The following CAPN3 variants were observed in gnomAD, a reference collection of about 807,000 sequenced individuals.
The protein encoded by CAPN3 is calpain-3.
Under a neutral mutation model 114.0 loss-of-function variants are expected in CAPN3, and 88 were observed. That is an observed-to-expected ratio of 0.77 (90% CI 0.65 to 0.92). CAPN3 has a LOEUF of 0.92. CAPN3 is among the 40% of genes least tolerant of loss of function. The pLI is 0.00. For synonymous variants in CAPN3, 386 were observed against 382.9 expected (o/e 1.01, Z -0.09); for missense variants, 1,028 against 1,069.0 (o/e 0.96, Z 0.53).
chr15:42,409,521 C>A, intron 17 of CAPN3, 141 bp downstream of exon 17: 1 of 940,028 alleles, frequency 1.1e-6, no homozygotes, highest in Non-Finnish European at 1.7e-6. Context: ...GCGTAGCACA[C>A]AAATCCACAA....
intron 8 of CAPN3, among the ~76,000 whole-genome samples, chr15:42,396,081 T>G (rs1276551118): frequency 6.6e-6 from 1 of 152,194 alleles, no homozygotes; most frequent in African/African-American, 2.4e-5. Flanking sequence ...TTGCATGCAT[T>G]ATTGCATCTG....
chr15:42,370,646 G>A (rs2052919350), intron 1 of CAPN3, among the ~76,000 whole-genome samples: 1 of 152,156 alleles, frequency 6.6e-6, no homozygotes, highest in African/African-American at 2.4e-5. Context: ...AACAGCTAGA[G>A]TTAGAACCAA....
intron 2 of CAPN3, among the ~76,000 whole-genome samples, chr15:42,385,308 G>A (rs1399995244): frequency 1.3e-5 from 2 of 152,140 alleles, no homozygotes; most frequent in Non-Finnish European, 2.9e-5. Context: ...GCACCTGAGG[G>A]AAGGCTTCCT....
chr15:42,410,773 G>A (rs2054193136), intron 21 of CAPN3, 107 bp downstream of exon 21: 7 of 1,359,108 alleles, frequency 5.2e-6, no homozygotes, highest in Non-Finnish European at 7.4e-6. Flanking sequence ...GAGGGAAAGG[G>A]CTTCTCACTT....
intron 15 of CAPN3, 140 bp from the exon 16 acceptor site, chr15:42,408,071 T>C (rs978303330): frequency 1.5e-6 from 1 of 659,502 alleles, no homozygotes; most frequent in African/African-American, 1.8e-5. Context: ...GAGATAGAGC[T>C]TGAACCGAGG....
intron 17 of CAPN3, among the ~76,000 whole-genome samples, 183 bp downstream of exon 17, chr15:42,409,563 G>T (rs921990775): frequency 6.7e-6 from 1 of 150,318 alleles, no homozygotes; most frequent in Non-Finnish European, 1.5e-5. Context: ...ACGTCTGCTG[G>T]GGGGCTCAGA....
chr15:42,377,318 T>C (rs1033083218), intron 1 of CAPN3, among the ~76,000 whole-genome samples: 1 of 152,182 alleles, frequency 6.6e-6, no homozygotes, highest in Non-Finnish European at 1.5e-5. Context: ...TGAAAGTGGA[T>C]GATCGTTACC....
chr15:42,380,596 T>A (rs2053215824), intron 1 of CAPN3, among the ~76,000 whole-genome samples: 1 of 147,728 alleles, frequency 6.8e-6, no homozygotes, highest in Admixed American at 6.8e-5. Context: ...TATGTATATA[T>A]ATGTATGTGT....
chr15:42,373,437 G>A (rs1230413083), intron 1 of CAPN3, among the ~76,000 whole-genome samples: 1 of 152,218 alleles, frequency 6.6e-6, no homozygotes, highest in Non-Finnish European at 1.5e-5. Context: ...AGCAGACAGG[G>A]AGACTGGGTG....
At position 42,386,152 on chromosome 15, in the gene CAPN3, T is replaced by C. The variant is rs1186700942; in HGVS notation, c.380-15T>C. ...GCAGGAGTGCTCACGATCTGTGCCCTGTGTCTGCCTGCAGGGGACTGCTGG... is the reference window on the plus strand; with the variant it reads ...GCAGGAGTGCTCACGATCTGTGCCCCGTGTCTGCCTGCAGGGGACTGCTGG... On this transcript the variant is annotated splice_polypyrimidine_tract_variant and intron_variant, in intron 2 of 23. Coordinates refer to ENST00000397163, the MANE Select transcript of CAPN3 (RefSeq NM_000070.3). 7.6e-6 allele frequency: 12 copies of C among 1,579,724 alleles called. No homozygotes were observed. The highest frequency in any genetic ancestry group is 1.0e-5 in the Non-Finnish European group (12 of 1,148,938).
intron 6 of CAPN3, among the ~76,000 whole-genome samples, chr15:42,390,790 G>GTT (rs373599109): frequency 8.2e-4 from 90 of 110,292 alleles, no homozygotes; most frequent in African/African-American, 1.9e-3. Flanking sequence ...TTGTTTTTTT[G>GTT]TTTTTTTTTT....
intron 1 of CAPN3, among the ~76,000 whole-genome samples, chr15:42,367,648 T>G (rs1480561665): frequency 6.6e-6 from 1 of 152,218 alleles, no homozygotes; most frequent in Non-Finnish European, 1.5e-5. Context: ...GAGAAAAGGA[T>G]GGCTCCATCT....
chr15:42,367,036 A>G (rs1267747660), intron 1 of CAPN3, among the ~76,000 whole-genome samples: 4 of 151,660 alleles, frequency 2.6e-5, no homozygotes, highest in Non-Finnish European at 5.9e-5. Flanking sequence ...GTTTCACCAT[A>G]TTGACTAGGC....
chr15:42,398,457 A>T (rs1000660846), intron 9 of CAPN3, among the ~76,000 whole-genome samples: 12 of 151,764 alleles, frequency 7.9e-5, no homozygotes, highest in African/African-American at 2.9e-4. Context: ...GGTGGTGTGC[A>T]CCTGTAATCC....
chr15:42,378,266 G>A (rs988576168), intron 1 of CAPN3, among the ~76,000 whole-genome samples: 1 of 152,144 alleles, frequency 6.6e-6, no homozygotes, highest in African/African-American at 2.4e-5. Flanking sequence ...GAGCTATCCT[G>A]CCGTGAGTGA....
In CAPN3 at chr15:42,389,031, A is replaced by G; in HGVS notation, c.736A>G (p.Ser246Gly). ...GTTTTTTGAGATCAGGGATGCTCCT[A>G]GTGACATGTACAAGATCATGAAGAA... The part of the protein sequence containing the change: ...AEFFEIRDAP[S>G]DMYKIMKKAI... The change falls in exon 5 of 24, where the codon AGT becomes GGT. Residue 246 changes from serine to glycine, a missense_variant. Physicochemically the swap from Ser to Gly is moderately conservative, Grantham distance 56 (BLOSUM62 0). Transcript: ENST00000397163. 3.1e-6 allele frequency: 5 copies of G among 1,614,078 alleles called. No individual in the cohort carries two copies. Among genetic ancestry groups the G allele is most frequent in the Non-Finnish European group, 4.2e-6 (5 of 1,179,986 alleles).
chr15:42,371,553 C>G (rs1258439017), intron 1 of CAPN3, among the ~76,000 whole-genome samples: 1 of 152,148 alleles, frequency 6.6e-6, no homozygotes, highest in Non-Finnish European at 1.5e-5. Flanking sequence ...ACTGAGTTGT[C>G]TTTTTCAATT....
chr15:42,404,115 AT>A (rs752589822), intron 14 of CAPN3: 1 of 487,878 alleles, frequency 2.0e-6, no homozygotes, highest in Non-Finnish European at 4.0e-6. Flanking sequence ...ATAACATTGG[AT>A]TTCACACATA....
chr15:42,384,514 A>C lies in CAPN3; in HGVS notation c.341A>C (p.Asp114Ala), dbSNP rs376421197. Residue 114 changes from aspartate to alanine, a missense_variant, in exon 2 of 24, where the codon GAT becomes GCT. Coordinates refer to ENST00000397163, the MANE Select transcript of CAPN3 (RefSeq NM_000070.3). ...EICENPRFII[D>A]GANRTDICQG... is the part of the protein sequence containing the mutation. ...TGCGAGAATCCCCGATTTATCATTGATGGAGCCAACAGAACTGACATCTGT... is the reference window on the plus strand; with the variant it reads ...TGCGAGAATCCCCGATTTATCATTGCTGGAGCCAACAGAACTGACATCTGT... 21 of 1,613,888 alleles carry C rather than the reference A, an allele frequency of 1.3e-5. No individual in the cohort carries two copies. The highest frequency in any genetic ancestry group is 1.8e-5 in the Non-Finnish European group (21 of 1,179,888).
Sources: allele counts gnomAD v4.1 joint callset (sites outside exome capture counted in the v4.1 genomes callset), GRCh38; gene constraint gnomAD v4.1.1; transcripts MANE v1.5; gene names NCBI Gene and HGNC (gene_info 2026-07-23, HGNC 2026-07-21).